UBE2L3: variants seen among roughly 807,000 people sequenced by gnomAD.
The protein encoded by UBE2L3 is ubiquitin-conjugating enzyme E2 L3.
Under a neutral mutation model 17.8 loss-of-function variants are expected in UBE2L3, and 1 was observed. That is an observed-to-expected ratio of 0.06 (90% CI 0.02 to 0.27). The LOEUF (loss-of-function observed/expected upper bound fraction) is 0.27. Among genes scored for constraint, UBE2L3 ranks in the 10% least tolerant of loss-of-function variants. The pLI, the probability that UBE2L3 is intolerant of heterozygous loss-of-function variation, is 1.00. For synonymous variants in UBE2L3, 44 were observed against 68.5 expected, an observed-to-expected ratio of 0.64 and a Z score of 1.76; for missense variants, 40 against 192.6, an observed-to-expected ratio of 0.21 and a Z score of 4.69.
intron 2 of UBE2L3, among the ~76,000 whole-genome samples, chr22:21,596,748 A>G (rs775350572): frequency 9.9e-5 from 15 of 152,080 alleles, no homozygotes; most frequent in African/African-American, 1.7e-4. Flanking sequence ...CAGCCTCTCA[A>G]AGTGCTGGGA....
intron 3 of UBE2L3, 139 bp downstream of exon 3, chr22:21,611,182 C>A: frequency 9.6e-7 from 1 of 1,043,786 alleles, no homozygotes; most frequent in Non-Finnish European, 1.4e-6. Flanking sequence ...CCTGTCAGAC[C>A]TTGTGGGAAT....
intron 1 of UBE2L3, among the ~76,000 whole-genome samples, chr22:21,583,383 A>G (rs1383217686): frequency 6.6e-6 from 1 of 152,172 alleles, no homozygotes; most frequent in Non-Finnish European, 1.5e-5. Flanking sequence ...CTTAAGCTTT[A>G]CTTTCCTTTA....
intron 3 of UBE2L3, among the ~76,000 whole-genome samples, chr22:21,612,835 C>T (rs1321309468): frequency 6.6e-6 from 1 of 151,638 alleles, no homozygotes; most frequent in Non-Finnish European, 1.5e-5. Context: ...CGGGGTTTCA[C>T]CACGTTGACC....
At chr22:21,588,346 G>A (rs1210266849) in intron 1 of UBE2L3, among the ~76,000 whole-genome samples, 1 of 151,922 alleles carries the variant, frequency 6.6e-6, no homozygotes, top group Non-Finnish European at 1.5e-5. Flanking sequence ...CTCAGTTATC[G>A]GGGCACAGTT....
At chr22:21,579,892 G>A (rs903638122) in intron 1 of UBE2L3, among the ~76,000 whole-genome samples, 16 of 152,194 alleles carry the variant, frequency 1.1e-4, no homozygotes, top group African/African-American at 3.6e-4. Context: ...CTGGAATTTG[G>A]TAGATTTAAG....
intron 1 of UBE2L3, among the ~76,000 whole-genome samples, chr22:21,583,922 C>T (rs548712971): frequency 4.2e-4 from 64 of 151,968 alleles, no homozygotes; most frequent in Non-Finnish European, 7.6e-4. Context: ...TTGCCCAGGC[C>T]GGAGTTCAAT....
intron 2 of UBE2L3, among the ~76,000 whole-genome samples, chr22:21,595,377 G>C (rs1428223779): frequency 6.6e-6 from 1 of 152,248 alleles, no homozygotes; most frequent in Non-Finnish European, 1.5e-5. Flanking sequence ...CTGGGCTTTA[G>C]GTCTTCCTGC....
chr22:21,565,166 C>A (rs1926583091), upstream of UBE2L3, among the ~76,000 whole-genome samples: 1 of 151,942 alleles, frequency 6.6e-6, no homozygotes, highest in Non-Finnish European at 1.5e-5. Context: ...TATCTCCACT[C>A]ACGGCAAGCT....
At chr22:21,572,896 C>T (rs1467307994) in intron 1 of UBE2L3, among the ~76,000 whole-genome samples, 1 of 152,178 alleles carries the variant, frequency 6.6e-6, no homozygotes, top group Non-Finnish European at 1.5e-5. Context: ...CGGAGCCCTT[C>T]TCGGCTCTTC....
intron 2 of UBE2L3, among the ~76,000 whole-genome samples, chr22:21,609,386 A>G (rs995377240): frequency 1.3e-5 from 2 of 152,214 alleles, no homozygotes. Flanking sequence ...AAATTGTGGT[A>G]TATCTAGACA....
At chr22:21,575,295 A>G (rs974910050) in intron 1 of UBE2L3, among the ~76,000 whole-genome samples, 8 of 149,154 alleles carry the variant, frequency 5.4e-5, no homozygotes, top group Admixed American at 4.7e-4. Context: ...AAAAAGAAAA[A>G]TGTTTACTTG....
intron 1 of UBE2L3, among the ~76,000 whole-genome samples, chr22:21,557,876 T>C (rs978484080): frequency 1.5e-4 from 23 of 152,292 alleles, no homozygotes; most frequent in African/African-American, 5.5e-4. Context: ...TTTGGTTTAA[T>C]AAAGCATTAT....
chr22:21,564,818 C>G (rs887485101), upstream of UBE2L3, among the ~76,000 whole-genome samples: 6 of 152,090 alleles, frequency 3.9e-5, no homozygotes, highest in African/African-American at 1.2e-4. Flanking sequence ...TTTATTTGTC[C>G]TGGGCCCAGT....
chr22:21,563,743 AT>A (rs1347197522), upstream of UBE2L3, among the ~76,000 whole-genome samples: 4 of 149,454 alleles, frequency 2.7e-5, no homozygotes, highest in African/African-American at 9.8e-5. Flanking sequence ...CACCCAGCTA[AT>A]TTTTGTATTT....
chr22:21,591,192 TCCTCACTGCAGGAGGTTG>T (rs1928246986), intron 1 of UBE2L3, among the ~76,000 whole-genome samples: 1 of 152,172 alleles, frequency 6.6e-6, no homozygotes, highest in East Asian at 1.9e-4. Context: ...GCCACCCCAT[TCCTCACTGCAGGAGGTTG>T]CAGCCCATGC....
intron 1 of UBE2L3, among the ~76,000 whole-genome samples, chr22:21,579,837 G>A (rs1040241064): frequency 6.6e-6 from 1 of 152,136 alleles, no homozygotes; most frequent in Admixed American, 6.5e-5. Context: ...AGCTTGGAAA[G>A]TTTGCATTTC....
upstream of UBE2L3, among the ~76,000 whole-genome samples, chr22:21,564,232 C>G (rs1467452265): frequency 6.6e-6 from 1 of 151,946 alleles, no homozygotes; most frequent in Non-Finnish European, 1.5e-5. Flanking sequence ...CGGGGTCTCC[C>G]TATGTTGCCC....
At chr22:21,599,453 C>A (rs929189368) in intron 2 of UBE2L3, among the ~76,000 whole-genome samples, 66 of 152,046 alleles carry the variant, frequency 4.3e-4, no homozygotes, top group Admixed American at 3.3e-4. Flanking sequence ...CAGCCAGACA[C>A]AAGGTTCTAT....
At chr22:21,561,018 A>G (rs893362681) in intron 1 of UBE2L3, among the ~76,000 whole-genome samples, 6 of 152,254 alleles carry the variant, frequency 3.9e-5, no homozygotes, top group African/African-American at 1.2e-4. Context: ...AAGAGAGAAG[A>G]AGGAGGATAG....
Sources: gnomAD v4.1 joint callset for allele counts (sites outside exome capture counted in the v4.1 genomes callset) on GRCh38, gnomAD v4.1.1 for gene constraint, MANE v1.5 for transcripts, NCBI Gene and HGNC (gene_info 2026-07-23, HGNC 2026-07-21) for gene names.